The following MBD1 variants were observed in gnomAD, a reference collection of about 807,000 sequenced individuals.
MBD1 encodes methyl-CpG binding domain protein 1, also known as methyl-CpG-binding domain protein 1.
In MBD1, 25 loss-of-function variants were observed where a neutral mutation model predicts 82.6. The observed-to-expected ratio is 0.30, with a 90% CI of 0.22 to 0.42. The LOEUF is 0.42. Ranked by LOEUF, MBD1 falls within the 10% of genes least tolerant of loss-of-function variation. The pLI, the probability that MBD1 is intolerant of heterozygous loss-of-function variation, is 1.00. For missense variants in MBD1, 627 were observed against 819.6 expected (o/e 0.76, Z 2.87); for synonymous variants, 301 against 303.7 (o/e 0.99, Z 0.09).
Position 50,269,234 on chromosome 18 carries a change from T to C in MBD1, c.*617A>G. The C allele has an allele frequency of 9.2e-7, 1 of 1,084,596 alleles. No homozygotes were observed. Among genetic ancestry groups the C allele is most frequent in the Non-Finnish European group, 1.1e-6 (1 of 888,522 alleles). 67.2% of individuals were successfully genotyped at this position (1,084,596 alleles called of 1,614,324 possible). ...CTTGCTGGAATCACCATGAAATCCA[T>C]GGTCTTCAGCTTTGCATTTTCAGCC... On this transcript the variant is annotated 3_prime_UTR_variant, in exon 17 of 17. Transcript: ENST00000269468.
chr18:50,280,014 T>C lies in MBD1; in HGVS notation c.-22A>G, dbSNP rs373957009. Reference sequence around the variant, plus strand: ...CCATGGAGGCCACAGGAAGCAGCAGTAGCCTGAAAGGGGGTGGAAGGGATG... The same window carrying C: ...CCATGGAGGCCACAGGAAGCAGCAGCAGCCTGAAAGGGGGTGGAAGGGATG... On this transcript the variant is annotated 5_prime_UTR_variant, in exon 2 of 17. Transcript: ENST00000269468. The C allele has an allele frequency of 1.2e-5, 19 of 1,602,852 alleles. No homozygotes were observed. Among genetic ancestry groups the C allele is most frequent in the Non-Finnish European group, 1.4e-5 (17 of 1,179,240 alleles).
intron 5 of MBD1, 30 bp downstream of exon 5, chr18:50,276,632 C>G: frequency 6.2e-7 from 1 of 1,612,128 alleles, no homozygotes; most frequent in South Asian, 1.1e-5. Context: ...CTCCTATCTC[C>G]CGATGCCCCA....
At chr18:50,279,829 T>C in intron 2 of MBD1, 54 bp downstream of exon 2, 1 of 1,611,290 alleles carries the variant, frequency 6.2e-7, no homozygotes, top group Non-Finnish European at 8.5e-7. Flanking sequence ...CATTTGATTT[T>C]ACCAGAATCA....
rs1278183148 is a variant in MBD1 at position 50,273,756 on chromosome 18, G to A, written c.1254C>T (p.Gly418=). The change falls in exon 12 of 17, where the codon GGC becomes GGT. Residue 418 remains glycine (G), a synonymous_variant. Transcript: ENST00000269468. Reference sequence around the variant, plus strand: ...TAGCCAAGGTGGGCTTCAAGGTAGGGCCAAGATGGTGCCGTCGGGCAGAGC... The same window carrying A: ...TAGCCAAGGTGGGCTTCAAGGTAGGACCAAGATGGTGCCGTCGGGCAGAGC... The part of the protein sequence containing the change: ...RPSSARRHHL[G]PTLKPTLATR... The A allele has an allele frequency of 6.2e-7, 1 of 1,614,124 alleles. No homozygotes were observed. The highest frequency in any genetic ancestry group is 8.5e-7 in the Non-Finnish European group (1 of 1,180,034).
In MBD1 at chr18:50,273,574, G is replaced by A. The variant is rs188849693; in HGVS notation, c.1436C>T (p.Ala479Val). The A allele has an allele frequency of 6.2e-6, 10 of 1,612,880 alleles. No individual in the cohort carries two copies. The highest frequency in any genetic ancestry group is 5.0e-5 in the Admixed American group (3 of 60,030). The part of the protein sequence containing the change: ...VPGPVAASTE[A>V]LLQEAQCSGL... ...GGGTGGGGCCCTCACCTGCAACAGG[G>A]CTTCTGTGGAAGCTGCAACAGGGCC... The change falls in exon 12 of 17, where the codon GCC becomes GTC. Residue 479 changes from alanine (A) to valine (V), a missense_variant. Ala to Val is a moderately conservative substitution (Grantham distance 64, BLOSUM62 0). Around this residue, in one of 6 missense-constraint regions of MBD1, gnomAD observed 265 missense variants for 278.4 expected, o/e 0.95. Transcript: ENST00000269468.
Position 50,277,313 on chromosome 18 carries a change from T to G in MBD1, c.111-109A>C, listed in dbSNP as rs569449912. The G allele has an allele frequency of 1.6e-5, 12 of 768,338 alleles. No individual in the cohort carries two copies. In the Admixed American group the frequency reaches 2.4e-4, roughly 15 times the overall value. 47.6% of individuals were successfully genotyped at this position (768,338 alleles called of 1,614,324 possible). A position where few individuals can be genotyped will look rare whatever the true frequency, so the allele number is the denominator to read the frequency against. ...TATAGGAGGCAGCCTGGAATTGGCT[T>G]GTGAGCCCTGCCCAGCCCCCACCTC... On this transcript the variant is annotated intron_variant, in intron 2 of 16. Coordinates refer to ENST00000269468, the MANE Select transcript of MBD1 (RefSeq NM_015846.4).
chr18:50,279,249 T>C lies in MBD1; in HGVS notation c.110+634A>G, dbSNP rs143641466. Among the ~76,000 whole-genome samples the C allele has an allele frequency of 3.9e-5, 6 of 152,366 alleles. 1 individual carries two copies. The South Asian group carries it at 6.2e-4, about 16-fold the overall frequency. The stretch of plus-strand genomic sequence containing the variant: ...CATTTCATGAACCCACCAATGTAGC[T>C]GCTTTCTCATCTCTTACATAGCTTC... On this transcript the variant is annotated intron_variant, in intron 2 of 16. Transcript: ENST00000269468.
chr18:50,270,198 G>C, intron 16 of MBD1: 1 of 1,572,826 alleles, frequency 6.4e-7, no homozygotes, highest in Non-Finnish European at 8.6e-7. Context: ...GTATGAGACA[G>C]AACTGGGAAA....
rs775319250 is a variant in MBD1, at chr18:50,275,482, G to A, written c.792+118C>T. ...GGCAGGTAGGCGGGGCCAGAAAGGCGAGCATAGGGTTAGGCAGAAAAGAAA... is the reference window on the plus strand; with the variant it reads ...GGCAGGTAGGCGGGGCCAGAAAGGCAAGCATAGGGTTAGGCAGAAAAGAAA... On this transcript the variant is annotated intron_variant, in intron 8 of 16. Transcript: ENST00000269468. The A allele has an allele frequency of 2.2e-5, 35 of 1,595,120 alleles. No individual in the cohort carries two copies. In the African/African-American group the frequency reaches 3.6e-4, roughly 16 times the overall value.
intron 2 of MBD1, 117 bp downstream of exon 2, chr18:50,279,766 A>T (rs182187943): frequency 1.5e-6 from 2 of 1,360,752 alleles, no homozygotes; most frequent in Non-Finnish European, 2.0e-6. Flanking sequence ...ATCCGCTAAT[A>T]AGGATTAACT....
chr18:50,276,057 T>C (rs550513967), intron 6 of MBD1, 76 bp from the exon 7 acceptor site: 1 of 1,540,640 alleles, frequency 6.5e-7, no homozygotes, highest in African/African-American at 1.4e-5. Context: ...TGACCCTACA[T>C]CAGCTGGCAT....
upstream of MBD1, chr18:50,281,533 A>T (rs913562363): frequency 8.8e-5 from 51 of 576,780 alleles, no homozygotes; most frequent in South Asian, 3.5e-4. Flanking sequence ...CGGAACCGGA[A>T]GTCCGCTGCC....
At chr18:50,278,140 C>T (rs887738645) in intron 2 of MBD1, among the ~76,000 whole-genome samples, 3 of 152,164 alleles carry the variant, frequency 2.0e-5, no homozygotes, top group East Asian at 1.9e-4. Context: ...GATATGGATA[C>T]GGATATGGAC....
At chr18:50,267,607 C>T, downstream of MBD1, 1 of 1,535,826 alleles carries the variant, frequency 6.5e-7, no homozygotes, top group African/African-American at 1.4e-5. Flanking sequence ...CAGGACGGAC[C>T]TGCAGCACAG....
rs895630871 is a variant in MBD1, at chr18:50,271,654, T to G, written c.1779-114A>C. ...TCCTCCATCCACTTCCCCTTAATTA[T>G]CCTTTATCTTTTTTTATATCTTCTA... On this transcript the variant is annotated intron_variant, in intron 15 of 16. Coordinates refer to ENST00000269468, the MANE Select transcript of MBD1 (RefSeq NM_015846.4). 5.4e-5 allele frequency: 61 copies of G among 1,126,004 alleles called. No individual in the cohort carries two copies. In the Admixed American group the frequency reaches 5.6e-4, roughly 10 times the overall value. The allele number at this position is 1,126,004 out of a possible 1,614,324, so 69.8% of individuals were successfully genotyped here.
intron 1 of MBD1, among the ~76,000 whole-genome samples, chr18:50,280,909 A>T (rs989305356): frequency 5.3e-5 from 8 of 151,666 alleles, no homozygotes; most frequent in African/African-American, 9.7e-5. Context: ...TTGTCCCGGG[A>T]TCATGCCATC....
chr18:50,281,258 A>C lies in MBD1; in HGVS notation c.-26+105T>G, dbSNP rs1478943094. ...TCCGACGCCGCCATTCCTCCCCCTT[A>C]TCGGCCTGAGGGCCCTTCATTCCTC... is the stretch of plus-strand genomic sequence containing the variant. On this transcript the variant is annotated intron_variant, in intron 1 of 16. Transcript: ENST00000269468. The C allele has an allele frequency of 2.6e-6, 4 of 1,525,586 alleles. No homozygotes were observed. The African/African-American group carries it at 5.5e-5, about 21-fold the overall frequency. 94.5% of individuals were successfully genotyped at this position (1,525,586 alleles called of 1,614,324 possible).
At position 50,275,187 on chromosome 18, in the gene MBD1, G is replaced by C. The variant is rs776958255; in HGVS notation, c.851C>G (p.Pro284Arg). The change falls in exon 9 of 17, where the codon CCC (proline) becomes CGC (arginine). Residue 284 changes from proline to arginine, a missense_variant. Coordinates refer to ENST00000269468, the MANE Select transcript of MBD1 (RefSeq NM_015846.4). ...TGGTGGAGGCAGTGGCTGGGCTCCG[G>C]GGCGCCGCCTGGCAGCCATCTTGGA... is the stretch of plus-strand genomic sequence containing the variant. ...CDSKMAARRR[P>R]GAQPLPPPPP... The C allele has an allele frequency of 4.3e-6, 7 of 1,614,008 alleles. No homozygotes were observed. In the South Asian group the frequency reaches 7.7e-5, roughly 18 times the overall value.
chr18:50,273,404 G>A lies in MBD1; in HGVS notation c.1514C>T (p.Thr505Ile), dbSNP rs775773697. The A allele has an allele frequency of 3.9e-5, 63 of 1,614,104 alleles. No homozygotes were observed. Among genetic ancestry groups the A allele is most frequent in the Non-Finnish European group, 5.0e-5 (59 of 1,180,048 alleles). ...TGTGCCTGGTGTCCACTCGTCCTGGGTATCCGCCTTCTCTTGCTTCACCTG... is the reference window on the plus strand; with the variant it reads ...TGTGCCTGGTGTCCACTCGTCCTGGATATCCGCCTTCTCTTGCTTCACCTG... ...LPQVKQEKAD[T>I]QDEWTPGTAV... The change falls in exon 13 of 17, where the codon ACC becomes ATC. Residue 505 changes from threonine to isoleucine, a missense_variant. Transcript: ENST00000269468.
Sources: gnomAD v4.1 joint callset for allele counts (sites outside exome capture counted in the v4.1 genomes callset) on GRCh38, gnomAD v4.1.1 for gene constraint, gnomAD v4.1.1 regional missense constraint, MANE v1.5 for transcripts, NCBI Gene and HGNC (gene_info 2026-07-23, HGNC 2026-07-21) for gene names.